RBMX: variants seen among roughly 807,000 people sequenced by gnomAD.
RBMX encodes the protein RNA-binding motif protein, X chromosome.
Under a neutral mutation model 29.3 loss-of-function variants are expected in RBMX, and 1 was observed. The observed-to-expected ratio is 0.03, with a 90% CI of 0.01 to 0.16. RBMX has a LOEUF of 0.16. Ranked by LOEUF, RBMX falls within the 10% of genes least tolerant of loss-of-function variation. The pLI, the probability that RBMX is intolerant of heterozygous loss-of-function variation, is 1.00. For missense variants in RBMX, 121 were observed against 333.2 expected (o/e 0.36, Z 4.96); for synonymous variants, 102 against 102.3 (o/e 1.00, Z 0.02).
At chrX:136,871,702 T>G (rs766128060), downstream of RBMX, among the ~76,000 whole-genome samples, 4 of 107,251 alleles carry the variant, frequency 3.7e-5, no homozygotes, top group Non-Finnish European at 7.7e-5. Flanking sequence ...CAGGCTGGAG[T>G]GCAATGGCGT....
chrX:136,879,963 C>T (rs1238292981), intron 1 of RBMX, among the ~76,000 whole-genome samples: 1 of 111,679 alleles, frequency 9.0e-6, no homozygotes, highest in Non-Finnish European at 1.9e-5. Context: ...TCTTCACCGG[C>T]CCCCGCCCTA....
chrX:136,875,099 T>C lies in RBMX; in HGVS notation c.852A>G (p.Ser284=), dbSNP rs751389030. Residue 284 remains serine, a synonymous_variant, in exon 8 of 9, where the codon TCA becomes TCG. Coordinates refer to ENST00000320676, the MANE Select transcript of RBMX (RefSeq NM_002139.4). ...DHPSGGSYRD[S]YESYGNSRSA... is the part of the protein sequence containing the mutation. The stretch of plus-strand genomic sequence containing the variant: ...CCAGTATCTTACCATAACTCTCATA[T>C]GAATCTCTGTAGGAACCTCCACTTG... 10 of 1,210,134 alleles carry C rather than the reference T, an allele frequency of 8.3e-6. No individual in the cohort carries two copies. Among genetic ancestry groups the C allele is most frequent in the South Asian group, 7.0e-5 (4 of 56,832 alleles).
chrX:136,876,413 C>T lies in RBMX; in HGVS notation c.541+90G>A, dbSNP rs763726919. 39 of 1,019,191 alleles carry T rather than the reference C, an allele frequency of 3.8e-5. No individual in the cohort carries two copies. In the South Asian group the frequency reaches 7.6e-4, roughly 20 times the overall value. 84.0% of individuals were successfully genotyped at this position (1,019,191 alleles called of 1,213,427 possible). A position where few individuals can be genotyped will look rare whatever the true frequency, so the allele number is the denominator to read the frequency against. Reference sequence around the variant, plus strand: ...CTAGGATTACGGGCGTGAGCCACCACGCCTGGCCAATTAAAATTTTAAGCA... The same window carrying T: ...CTAGGATTACGGGCGTGAGCCACCATGCCTGGCCAATTAAAATTTTAAGCA... On this transcript the variant is annotated intron_variant, in intron 5 of 8. Coordinates refer to ENST00000320676, the MANE Select transcript of RBMX (RefSeq NM_002139.4).
intron 4 of RBMX, 107 bp downstream of exon 4, chrX:136,877,808 T>G: frequency 3.9e-6 from 3 of 775,940 alleles, no homozygotes; most frequent in Non-Finnish European, 5.4e-6. Context: ...TGTTGTCAAT[T>G]TCAAAAGTTG....
chrX:136,877,826 T>C, intron 4 of RBMX, 89 bp downstream of exon 4: 1 of 945,946 alleles, frequency 1.1e-6, no homozygotes, highest in East Asian at 3.2e-5. Context: ...TTGGCACCTT[T>C]CCTCAAGGAC....
At chrX:136,871,650 A>G (rs746393025), downstream of RBMX, among the ~76,000 whole-genome samples, 1 of 104,732 alleles carries the variant, frequency 9.5e-6, no homozygotes, top group South Asian at 4.3e-4. Context: ...CACTGAGCAA[A>G]TTTTTTTTTT....
intron 5 of RBMX, among the ~76,000 whole-genome samples, chrX:136,875,958 C>T (rs1450878008): frequency 9.1e-6 from 1 of 109,344 alleles, no homozygotes; most frequent in African/African-American, 3.3e-5. Context: ...CCCACCACCA[C>T]GCCCAGCTAA....
chrX:136,870,920 A>T (rs927903416), downstream of RBMX, among the ~76,000 whole-genome samples: 10 of 108,387 alleles, frequency 9.2e-5, no homozygotes, highest in African/African-American at 3.3e-4. Context: ...CAGCCTGGCC[A>T]ACAGTGAAAC....
chrX:136,879,096 T>C lies in RBMX; in HGVS notation c.137A>G (p.Asn46Ser), dbSNP rs113285566. ...GACAAAAGCAAATCCTCTTGATTTG[T>C]TGGTTTCACGGTCTTTCATCAAGAG... ...EVLLMKDRET[N>S]KSRGFAFVTF... Residue 46 changes from asparagine to serine, a missense_variant, in exon 3 of 9, where the codon AAC becomes AGC. Physicochemically the swap from Asn to Ser is conservative, Grantham distance 46. This residue lies in a region of RBMX where 7 missense variants were observed against 73.3 expected (regional missense o/e 0.10). Transcript: ENST00000320676. 8.3e-7 allele frequency: 1 copy of C among 1,211,824 alleles called. No homozygotes were observed. Among genetic ancestry groups the C allele is most frequent in the Non-Finnish European group, 1.1e-6 (1 of 895,595 alleles).
intron 3 of RBMX, among the ~76,000 whole-genome samples, 159 bp downstream of exon 3, chrX:136,878,858 C>T (rs1317955130): frequency 9.1e-6 from 1 of 110,259 alleles, no homozygotes; most frequent in African/African-American, 3.3e-5. Context: ...TTACAGAATA[C>T]TCTTTGGAAC....
intron 5 of RBMX, among the ~76,000 whole-genome samples, chrX:136,875,904 T>G (rs1000300812): frequency 5.5e-5 from 6 of 108,415 alleles, no homozygotes; most frequent in Non-Finnish European, 9.6e-5. Context: ...TGGGTTCAAG[T>G]GATTCTCCTG....
chrX:136,872,740 C>T (rs1488668647), downstream of RBMX: 2 of 136,877 alleles, frequency 1.5e-5, no homozygotes, highest in African/African-American at 6.4e-5. Context: ...TCAGGTTTTG[C>T]TTTTTAAAGA....
chrX:136,874,671 T>C (rs1051389992), intron 8 of RBMX: 1 of 463,701 alleles, frequency 2.2e-6, no homozygotes, highest in Non-Finnish European at 3.5e-6. Context: ...CTGAAGACGG[T>C]GTGTATTTCA....
chrX:136,878,188 G>T (rs1172129797), intron 3 of RBMX, 102 bp from the exon 4 acceptor site: 11 of 735,166 alleles, frequency 1.5e-5, no homozygotes, highest in East Asian at 3.6e-5. Context: ...GCAGTTATGG[G>T]TAAGTGTTGC....
At position 136,875,510 on chromosome X, in the gene RBMX, T is replaced by C. The variant is rs149261334; in HGVS notation, c.617A>G (p.Tyr206Cys). ...ATACCCATCATCTCTTGGGGACAAA[T>C]AAACATCTCTACGAGAGGGCAGCGG... The part of the protein sequence containing the change: ...REPLPSRRDV[Y>C]LSPRDDGYST... Residue 206 changes from tyrosine (Y) to cysteine (C), a missense_variant, in exon 6 of 9, where the codon TAT becomes TGT. By Grantham distance (194) the Tyr-to-Cys change is radical (BLOSUM62 -2). Coordinates refer to ENST00000320676, the MANE Select transcript of RBMX (RefSeq NM_002139.4). 2 of 1,211,820 alleles carry C rather than the reference T, an allele frequency of 1.7e-6. No individual in the cohort carries two copies. Among genetic ancestry groups the C allele is most frequent in the Non-Finnish European group, 2.2e-6 (2 of 895,580 alleles).
chrX:136,879,228 AC>A (rs1334526178), intron 2 of RBMX, 90 bp downstream of exon 2: 2 of 1,194,531 alleles, frequency 1.7e-6, no homozygotes, highest in Non-Finnish European at 2.3e-6. Flanking sequence ...GGACAAAAAT[AC>A]ATTATCATGT....
chrX:136,875,290 A>G lies in RBMX; in HGVS notation c.750T>C (p.Ser250=), dbSNP rs891396849. 1 of 1,211,914 alleles carries G rather than the reference A, an allele frequency of 8.3e-7. No homozygotes were observed. Among genetic ancestry groups the G allele is most frequent in the Non-Finnish European group, 1.1e-6 (1 of 895,435 alleles). The change falls in exon 7 of 9, where the codon AGT becomes AGC. Residue 250 remains serine, a synonymous_variant. Transcript: ENST00000320676. ...DYTYRDYGHS[S]SRDDYPSRGY... is the part of the protein sequence containing the mutation. ...CTCTTGATGGATAGTCATCACGTGA[A>G]CTGGAATGACCATAATCACGGTAAG...
chrX:136,879,280 T>C (rs779396906), intron 2 of RBMX, 39 bp downstream of exon 2: 6 of 1,197,607 alleles, frequency 5.0e-6, no homozygotes, highest in Non-Finnish European at 5.7e-6. Flanking sequence ...GCTTATATTT[T>C]AATTATAATA....
Position 136,877,395 on chromosome X carries a change from G to T in RBMX, c.388+520C>A, listed in dbSNP as rs182575076. On this transcript the variant is annotated intron_variant, in intron 4 of 8. Coordinates refer to ENST00000320676, the MANE Select transcript of RBMX (RefSeq NM_002139.4). ...TCTAGTTTCACTTGTACTTGATGGA[G>T]CATGCACTGCAGTCATAGAAACTGG... 2.1e-3 allele frequency among the ~76,000 whole-genome samples: 204 copies of T among 97,996 alleles called. No individual in the cohort carries two copies. The Admixed American group carries it at 0.023, about 11-fold the overall frequency. 85.1% of individuals were successfully genotyped at this position (97,996 alleles called of 115,157 possible). A position where few individuals can be genotyped will look rare whatever the true frequency, so the allele number is the denominator to read the frequency against.
Sources: allele counts gnomAD v4.1 joint callset (sites outside exome capture counted in the v4.1 genomes callset), GRCh38; gene constraint gnomAD v4.1.1; regional missense constraint gnomAD v4.1.1; transcripts MANE v1.5; gene names NCBI Gene and HGNC (gene_info 2026-07-23, HGNC 2026-07-21).